The following EIF4E variants were observed in gnomAD, a reference collection of about 807,000 sequenced individuals.
EIF4E encodes the protein eukaryotic translation initiation factor 4E.
For missense variants in EIF4E, 113 were observed against 265.6 expected, an observed-to-expected ratio of 0.43 and a Z score of 3.99; for synonymous variants, 71 against 88.5, an observed-to-expected ratio of 0.80 and a Z score of 1.11.
chr4:98,926,298 T>A (rs1018942700), intron 1 of EIF4E: 2 of 152,266 alleles, frequency 1.3e-5, no homozygotes, highest in African/African-American at 2.4e-5. Context: ...ATCCCACCAC[T>A]TTGGGAGGCC....
At chr4:98,923,807 T>C (rs1725755082) in intron 1 of EIF4E, among the ~76,000 whole-genome samples, 3 of 152,220 alleles carry the variant, frequency 2.0e-5, no homozygotes, top group Admixed American at 2.0e-4. Context: ...TGTAAATGCA[T>C]GGATATACAT....
At chr4:98,888,520 AAT>A (rs1724015453) in intron 3 of EIF4E, among the ~76,000 whole-genome samples, 1 of 151,584 alleles carries the variant, frequency 6.6e-6, no homozygotes, top group Admixed American at 6.6e-5. Context: ...TAAATAAATA[AAT>A]ATAGTTACAA....
intron 1 of EIF4E, among the ~76,000 whole-genome samples, chr4:98,911,813 C>A (rs1725154030): frequency 1.3e-5 from 2 of 150,612 alleles, no homozygotes; most frequent in South Asian, 2.1e-4. Flanking sequence ...GCCAACATCA[C>A]AAATTCAGTC....
intron 1 of EIF4E, among the ~76,000 whole-genome samples, chr4:98,905,968 T>G (rs1014648867): frequency 6.6e-6 from 1 of 152,216 alleles, no homozygotes; most frequent in South Asian, 2.1e-4. Flanking sequence ...TGTGGTGTTT[T>G]CAATAAATCT....
chr4:98,892,590 G>C (rs1338584302), intron 2 of EIF4E, among the ~76,000 whole-genome samples: 1 of 134,626 alleles, frequency 7.4e-6, no homozygotes, highest in Non-Finnish European at 1.7e-5. Context: ...GCTGAAGCAC[G>C]AGAATCACTT....
At chr4:98,910,644 T>TG (rs913204424) in intron 1 of EIF4E, among the ~76,000 whole-genome samples, 7 of 152,180 alleles carry the variant, frequency 4.6e-5, no homozygotes, top group African/African-American at 1.7e-4. Context: ...AAGCTATACT[T>TG]GAACACATTT....
chr4:98,896,831 G>A (rs1485262411), intron 2 of EIF4E, among the ~76,000 whole-genome samples: 1 of 152,048 alleles, frequency 6.6e-6, no homozygotes, highest in Non-Finnish European at 1.5e-5. Flanking sequence ...CTAAAATGGT[G>A]GTGGTGCATG....
At chr4:98,928,703 G>A (rs986906720) in intron 1 of EIF4E, among the ~76,000 whole-genome samples, 2 of 152,070 alleles carry the variant, frequency 1.3e-5, no homozygotes, top group African/African-American at 4.8e-5. Flanking sequence ...AGGCCGGCTC[G>A]CCGCCCACCC....
chr4:98,913,588 G>A (rs1353586508), intron 1 of EIF4E, among the ~76,000 whole-genome samples: 8 of 152,134 alleles, frequency 5.3e-5, no homozygotes, highest in African/African-American at 1.9e-4. Flanking sequence ...TTACAGGCAT[G>A]AGCCACCACA....
intron 1 of EIF4E, 189 bp downstream of exon 1, chr4:98,928,906 C>A: frequency 3.2e-6 from 5 of 1,560,808 alleles, no homozygotes; most frequent in East Asian, 2.4e-5. Context: ...AGAAAGTGTG[C>A]GCTACACGCC....
chr4:98,916,286 CA>C (rs11462325), intron 1 of EIF4E, among the ~76,000 whole-genome samples: 2,457 of 106,894 alleles, frequency 0.023, 48 homozygotes, highest in African/African-American at 0.069. Context: ...ATTCAGAGGA[CA>C]AAAAAAAAAA....
intron 2 of EIF4E, among the ~76,000 whole-genome samples, chr4:98,899,422 T>C (rs910107038): frequency 6.6e-6 from 1 of 152,144 alleles, no homozygotes; most frequent in Non-Finnish European, 1.5e-5. Context: ...CTTAAAAGAC[T>C]AATCACATGA....
chr4:98,905,253 A>C (rs749656791), intron 1 of EIF4E, among the ~76,000 whole-genome samples: 43 of 152,096 alleles, frequency 2.8e-4, no homozygotes, highest in Non-Finnish European at 4.4e-4. Flanking sequence ...AAAGGAAAAA[A>C]AATTAAATGA....
chr4:98,902,777 A>G (rs1482376440), intron 1 of EIF4E, among the ~76,000 whole-genome samples: 1 of 152,120 alleles, frequency 6.6e-6, no homozygotes, highest in African/African-American at 2.4e-5. Context: ...GAGGATTAAT[A>G]GGAGGATTGC....
At chr4:98,889,276 T>C (rs970819919) in intron 3 of EIF4E, among the ~76,000 whole-genome samples, 2 of 152,116 alleles carry the variant, frequency 1.3e-5, no homozygotes, top group African/African-American at 4.8e-5. Flanking sequence ...GCTGAGTCAC[T>C]ACCTAATGGT....
At chr4:98,927,872 G>C (rs1438547062) in intron 1 of EIF4E, among the ~76,000 whole-genome samples, 1 of 151,908 alleles carries the variant, frequency 6.6e-6, no homozygotes, top group Non-Finnish European at 1.5e-5. Flanking sequence ...TTTCTAAAAA[G>C]GCAACAGGGC....
intron 1 of EIF4E, among the ~76,000 whole-genome samples, chr4:98,923,778 G>A (rs1042540747): frequency 3.3e-5 from 5 of 152,188 alleles, no homozygotes; most frequent in Admixed American, 3.3e-4. Context: ...GAATTTCCAA[G>A]AAAAGAGGGA....
intron 1 of EIF4E, among the ~76,000 whole-genome samples, chr4:98,926,897 G>A (rs1476372698): frequency 2.6e-5 from 4 of 152,156 alleles, no homozygotes; most frequent in African/African-American, 9.6e-5. Context: ...GCTCTGTGCT[G>A]CTGAAACAAA....
chr4:98,891,434 T>C (rs781396217), intron 2 of EIF4E, 102 bp from the exon 3 acceptor site: 55 of 949,548 alleles, frequency 5.8e-5, no homozygotes, highest in Non-Finnish European at 7.6e-5. Flanking sequence ...CACCTGTCCA[T>C]CAACAGATGA....
Sources: allele counts gnomAD v4.1 joint callset (sites outside exome capture counted in the v4.1 genomes callset), GRCh38; gene constraint gnomAD v4.1.1; transcripts MANE v1.5; gene names NCBI Gene and HGNC (gene_info 2026-07-23, HGNC 2026-07-21).